The following TES variants were observed in gnomAD, a reference collection of about 807,000 sequenced individuals.
TES encodes testin.
Under a neutral mutation model 48.2 loss-of-function variants are expected in TES, and 41 were observed. That is an observed-to-expected ratio of 0.85 (90% CI 0.66 to 1.10). The LOEUF (loss-of-function observed/expected upper bound fraction) is 1.10, where lower values mean the gene tolerates loss of function less well. Ranked by LOEUF, TES falls within the 50% of genes least tolerant of loss-of-function variation. The probability of loss-of-function intolerance (pLI) is 0.00; values close to 1 mark genes in which losing one functional copy is unlikely to be tolerated. For missense variants in TES, 463 were observed against 515.1 expected, an observed-to-expected ratio of 0.90 and a Z score of 0.98; for synonymous variants, 162 against 174.9, an observed-to-expected ratio of 0.93 and a Z score of 0.58.
At chr7:116,214,717 A>G (rs184545762) in intron 1 of TES, among the ~76,000 whole-genome samples, 2 of 152,228 alleles carry the variant, frequency 1.3e-5, no homozygotes, top group Admixed American at 6.5e-5. Context: ...TATGAAGTAG[A>G]AATAGGAATT....
rs951151465 is a variant in TES at position 116,258,623 on chromosome 7, G to A, written c.*1141G>A. 6.6e-6 allele frequency: 1 copy of A among 152,536 alleles called. No homozygotes were observed. Among genetic ancestry groups the A allele is most frequent in the African/African-American group, 2.4e-5 (1 of 41,428 alleles). The allele number at this position is 152,536 out of a possible 1,614,324, so 9.4% of individuals were successfully genotyped here. On this transcript the variant is annotated 3_prime_UTR_variant, in exon 7 of 7. Coordinates refer to ENST00000358204, the MANE Select transcript of TES (RefSeq NM_015641.4). ...CCTGTTTTATAATACTTCCAAGCCT[G>A]TCCATGGATATATCAAATGTCTTCA...
intron 2 of TES, among the ~76,000 whole-genome samples, chr7:116,236,548 C>CTGA (rs771818153): frequency 1.9e-4 from 29 of 152,094 alleles, no homozygotes; most frequent in Non-Finnish European, 3.2e-4. Context: ...AATTTGAAAT[C>CTGA]TGATACACTT....
chr7:116,217,841 A>G (rs918549568), intron 1 of TES: 1 of 516,902 alleles, frequency 1.9e-6, no homozygotes, highest in Non-Finnish European at 3.9e-6. Context: ...GCCATTTAGC[A>G]TGGTTTTGTC....
At chr7:116,238,112 C>G (rs117265548) in intron 2 of TES, 1 of 152,164 alleles carries the variant, frequency 6.6e-6, no homozygotes, top group Non-Finnish European at 1.5e-5. Flanking sequence ...TGTATACTTA[C>G]AGAAAGCCAG....
intron 4 of TES, 25 bp downstream of exon 4, chr7:116,250,521 G>A (rs1389181217): frequency 2.0e-6 from 3 of 1,467,876 alleles, no homozygotes; most frequent in Admixed American, 2.6e-5. Flanking sequence ...CACACTGTTA[G>A]CCTGATTTGT....
chr7:116,249,979 C>T, intron 3 of TES, 182 bp from the exon 4 acceptor site: 1 of 413,760 alleles, frequency 2.4e-6, no homozygotes, highest in Non-Finnish European at 4.3e-6. Flanking sequence ...TACTTTTTAC[C>T]CAACTAAATC....
chr7:116,215,891 AAAAC>A lies in TES; in HGVS notation c.27+5165_27+5168del, dbSNP rs571301758. On this transcript the variant is annotated intron_variant, in intron 1 of 6. Transcript: ENST00000358204. The stretch of plus-strand genomic sequence containing the variant: ...GAATGGAGCAGCTAAAAAGAAACAA[AAAAC>A]AAACAAAAAACCTCTTAATATTGGG... Among the ~76,000 whole-genome samples, 12 of 152,280 alleles carry A rather than the reference AAAAC, an allele frequency of 7.9e-5. No individual in the cohort carries two copies. The East Asian group carries it at 1.9e-3, about 24-fold the overall frequency.
intron 2 of TES, chr7:116,239,285 C>T (rs982915198): frequency 2.0e-5 from 3 of 152,164 alleles, no homozygotes; most frequent in Non-Finnish European, 2.9e-5. Flanking sequence ...TTTTTAAGGG[C>T]TCACATGATT....
chr7:116,215,516 G>T (rs2116569881), intron 1 of TES, among the ~76,000 whole-genome samples: 1 of 152,224 alleles, frequency 6.6e-6, no homozygotes, highest in South Asian at 2.1e-4. Flanking sequence ...TTGTGAAAAG[G>T]AGTTTCTGGG....
At position 116,253,607 on chromosome 7, in the gene TES, G is replaced by A. The variant is rs567884790; in HGVS notation, c.1077+1131G>A. ...CTGTCCCTTCTACTAGTTATCCAACGCAAATCATACATTTCCACACGTTCA... is the reference window on the plus strand; with the variant it reads ...CTGTCCCTTCTACTAGTTATCCAACACAAATCATACATTTCCACACGTTCA... On this transcript the variant is annotated intron_variant, in intron 6 of 6. Coordinates refer to ENST00000358204, the MANE Select transcript of TES (RefSeq NM_015641.4). 8.5e-5 allele frequency among the ~76,000 whole-genome samples: 13 copies of A among 152,114 alleles called. No individual in the cohort carries two copies. In the East Asian group the frequency reaches 1.9e-3, roughly 23 times the overall value.
chr7:116,240,845 C>G (rs1239342541), intron 2 of TES, among the ~76,000 whole-genome samples: 2 of 152,072 alleles, frequency 1.3e-5, no homozygotes, highest in African/African-American at 4.8e-5. Flanking sequence ...CTCAGTATAG[C>G]ACAAATAAAT....
chr7:116,211,701 A>G (rs1799441043), intron 1 of TES, among the ~76,000 whole-genome samples: 1 of 152,222 alleles, frequency 6.6e-6, no homozygotes, highest in Non-Finnish European at 1.5e-5. Context: ...AAAATACAGA[A>G]AACAGTTTTT....
At chr7:116,243,795 A>T (rs964008449) in intron 2 of TES, 4 of 152,202 alleles carry the variant, frequency 2.6e-5, no homozygotes, top group Admixed American at 2.0e-4. Context: ...GTCAAGACAT[A>T]CCCAAGACTG....
rs138061426 is a variant in TES, at chr7:116,234,675, C to T, written c.113+56C>T. On this transcript the variant is annotated intron_variant, in intron 2 of 6. Coordinates refer to ENST00000358204, the MANE Select transcript of TES (RefSeq NM_015641.4). ...TAATTTATACTTTTTGCAATACTTC[C>T]TCAGACAGTGGAGATATCTTCGAGT... is the stretch of plus-strand genomic sequence containing the variant. 646 of 1,410,458 alleles carry T rather than the reference C, an allele frequency of 4.6e-4. 7 individuals carry two copies. In the East Asian group the frequency reaches 0.011, roughly 25 times the overall value. 87.4% of individuals were successfully genotyped at this position (1,410,458 alleles called of 1,614,324 possible).
intron 1 of TES, among the ~76,000 whole-genome samples, chr7:116,233,689 G>A (rs1424571248): frequency 6.6e-6 from 1 of 152,160 alleles, no homozygotes; most frequent in African/African-American, 2.4e-5. Context: ...TATTCCTGCT[G>A]CCATAACAAA....
chr7:116,252,276 T>C (rs1800027015), intron 5 of TES, 42 bp from the exon 6 acceptor site: 1 of 1,559,746 alleles, frequency 6.4e-7, no homozygotes, highest in Non-Finnish European at 8.7e-7. Context: ...TATAAATCTC[T>C]TATTATATAA....
intron 2 of TES, among the ~76,000 whole-genome samples, chr7:116,242,528 TC>T (rs1799863128): frequency 5.4e-5 from 5 of 92,664 alleles, no homozygotes; most frequent in African/African-American, 2.5e-4. Flanking sequence ...TCTCTCTCTC[TC>T]TCTCTCTCTG....
At chr7:116,234,504 A>G (rs1292078185) in intron 1 of TES, 30 bp from the exon 2 acceptor site, 1 of 1,580,678 alleles carries the variant, frequency 6.3e-7, no homozygotes, top group Non-Finnish European at 8.7e-7. Context: ...AGAATCTAAT[A>G]ACAGATTCAT....
At chr7:116,254,772 GT>G (rs1800073132) in intron 6 of TES, among the ~76,000 whole-genome samples, 1 of 151,124 alleles carries the variant, frequency 6.6e-6, no homozygotes, top group Non-Finnish European at 1.5e-5. Context: ...GTGTGTGTGT[GT>G]GTGTGTGTGT....
Sources: allele counts gnomAD v4.1 joint callset (sites outside exome capture counted in the v4.1 genomes callset), GRCh38; gene constraint gnomAD v4.1.1; transcripts MANE v1.5; gene names NCBI Gene and HGNC (gene_info 2026-07-23, HGNC 2026-07-21).